The following XRCC4 variants were observed in gnomAD, a reference collection of about 807,000 sequenced individuals.
The protein encoded by XRCC4 is X-ray repair cross complementing 4.
In XRCC4, 28 loss-of-function variants were observed where a neutral mutation model predicts 39.1. The observed-to-expected ratio is 0.72, with a 90% CI of 0.53 to 0.98. The LOEUF is 0.98. XRCC4 is among the 50% of genes least tolerant of loss of function. The pLI, the probability that XRCC4 is intolerant of heterozygous loss-of-function variation, is 0.00. For synonymous variants in XRCC4, 123 were observed against 126.4 expected, an observed-to-expected ratio of 0.97 and a Z score of 0.18; for missense variants, 350 against 376.4, an observed-to-expected ratio of 0.93 and a Z score of 0.58.
chr5:83,362,963 C>T, the XRCC4 span, among the ~76,000 whole-genome samples: 5 of 152,182 alleles, frequency 3.3e-5, no homozygotes, highest in Non-Finnish European at 5.9e-5. Flanking sequence ...AGGCACGCTG[C>T]TAGGCACTGG....
intron 7 of XRCC4, among the ~76,000 whole-genome samples, chr5:83,325,289 T>G (rs1756214320): frequency 6.6e-6 from 1 of 152,070 alleles, no homozygotes; most frequent in East Asian, 1.9e-4. Flanking sequence ...CTGTCCTTAA[T>G]TTTTTTCTTT....
intron 6 of XRCC4, among the ~76,000 whole-genome samples, chr5:83,228,304 G>A (rs748286663): frequency 1.3e-5 from 2 of 151,534 alleles, no homozygotes; most frequent in Non-Finnish European, 2.9e-5. Flanking sequence ...ATTTCAAATC[G>A]AATTTTCACA....
chr5:83,259,283 G>A (rs1403570401), intron 7 of XRCC4: 2 of 152,286 alleles, frequency 1.3e-5, no homozygotes, highest in African/African-American at 4.8e-5. Context: ...CAAAATGAAT[G>A]TTCAAATCAT....
At chr5:83,175,384 T>TG (rs777377350) in intron 3 of XRCC4, among the ~76,000 whole-genome samples, 2,314 of 152,266 alleles carry the variant, frequency 0.015, 54 homozygotes, top group African/African-American at 0.052. Context: ...TAGGAATATC[T>TG]GGAAAAAATT....
At chr5:83,347,884 TG>T (rs1756963320) in intron 7 of XRCC4, among the ~76,000 whole-genome samples, 1 of 152,092 alleles carries the variant, frequency 6.6e-6, no homozygotes, top group Non-Finnish European at 1.5e-5. Flanking sequence ...TTACAAGCAT[TG>T]GGTAAGTTCT....
At chr5:83,282,159 A>G (rs900278714) in intron 7 of XRCC4, among the ~76,000 whole-genome samples, 1 of 151,910 alleles carries the variant, frequency 6.6e-6, no homozygotes, top group South Asian at 2.1e-4. Flanking sequence ...AAAATGGATG[A>G]CTCCTATGGC....
chr5:83,284,610 G>A (rs1443592246), intron 7 of XRCC4, among the ~76,000 whole-genome samples: 2 of 151,994 alleles, frequency 1.3e-5, no homozygotes, highest in Admixed American at 1.3e-4. Flanking sequence ...CTAGGATTGA[G>A]CATAGAAGCT....
chr5:83,160,489 C>G (rs1749152873), intron 3 of XRCC4, among the ~76,000 whole-genome samples: 1 of 152,134 alleles, frequency 6.6e-6, no homozygotes, highest in African/African-American at 2.4e-5. Flanking sequence ...GTAACAGCCT[C>G]TTTGTTCCAA....
chr5:83,149,148 A>G (rs2112546703), intron 3 of XRCC4, among the ~76,000 whole-genome samples: 1 of 152,308 alleles, frequency 6.6e-6, no homozygotes, highest in East Asian at 1.9e-4. Context: ...TCCTAATGGT[A>G]TCTGTAGCCA....
At chr5:83,089,832 A>C (rs1204788358) in intron 1 of XRCC4, among the ~76,000 whole-genome samples, 1 of 152,204 alleles carries the variant, frequency 6.6e-6, no homozygotes, top group Non-Finnish European at 1.5e-5. Context: ...CTCAGGTTTG[A>C]TAATTTGCTA....
intron 7 of XRCC4, among the ~76,000 whole-genome samples, chr5:83,321,790 A>AT (rs1267437089): frequency 1.3e-5 from 2 of 152,042 alleles, no homozygotes; most frequent in Non-Finnish European, 1.5e-5. Flanking sequence ...TCCCTGAAGA[A>AT]TTTTTTATCT....
chr5:83,168,107 A>G (rs888366470), intron 3 of XRCC4, among the ~76,000 whole-genome samples: 3 of 152,194 alleles, frequency 2.0e-5, no homozygotes, highest in African/African-American at 4.8e-5. Flanking sequence ...CAGTTAAAAG[A>G]TTCTAGATTC....
chr5:83,212,785 G>A (rs1339575617), intron 6 of XRCC4, among the ~76,000 whole-genome samples: 1 of 151,824 alleles, frequency 6.6e-6, no homozygotes, highest in African/African-American at 2.4e-5. Context: ...AAATTAGCTG[G>A]GCATGGTGGC....
At chr5:83,371,824 T>C in the XRCC4 span, among the ~76,000 whole-genome samples, 1 of 152,126 alleles carries the variant, frequency 6.6e-6, no homozygotes, top group South Asian at 2.1e-4. Flanking sequence ...AGGTCGGAAT[T>C]ATCCTTAGGG....
At chr5:83,219,659 TA>T (rs1241794996) in intron 6 of XRCC4, among the ~76,000 whole-genome samples, 1 of 152,158 alleles carries the variant, frequency 6.6e-6, no homozygotes, top group Admixed American at 6.5e-5. Context: ...CCATTGAAGA[TA>T]GAAATGTGGC....
chr5:83,236,216 T>C (rs947663717), intron 6 of XRCC4, among the ~76,000 whole-genome samples: 41 of 151,890 alleles, frequency 2.7e-4, no homozygotes, highest in African/African-American at 9.2e-4. Flanking sequence ...GAAAAAATAA[T>C]CCTAAAATGT....
At chr5:83,367,494 C>T in the XRCC4 span, among the ~76,000 whole-genome samples, 2 of 152,180 alleles carry the variant, frequency 1.3e-5, no homozygotes, top group African/African-American at 4.8e-5. Flanking sequence ...TAGGCCTCTG[C>T]TCCTTGCACG....
intron 3 of XRCC4, among the ~76,000 whole-genome samples, chr5:83,156,620 A>G (rs1297218741): frequency 2.0e-5 from 3 of 152,072 alleles, no homozygotes; most frequent in Admixed American, 1.3e-4. Flanking sequence ...ATGGCCTATT[A>G]GCCAGCATAA....
At chr5:83,192,202 G>T (rs559935823) in intron 3 of XRCC4, among the ~76,000 whole-genome samples, 1 of 146,048 alleles carries the variant, frequency 6.8e-6, no homozygotes. Flanking sequence ...GTATGTATAC[G>T]TATATATTAT....
Sources: gnomAD v4.1 joint callset for allele counts (sites outside exome capture counted in the v4.1 genomes callset) on GRCh38, gnomAD v4.1.1 for gene constraint, MANE v1.5 for transcripts, NCBI Gene and HGNC (gene_info 2026-07-23, HGNC 2026-07-21) for gene names.